Variants in SLC24A3 observed in about 807,000 individuals in gnomAD.
SLC24A3 encodes solute carrier family 24 member 3, also known as sodium/potassium/calcium exchanger 3.
SLC24A3 carries 28 observed loss-of-function variants against 75.8 expected under a neutral mutation model. That is an observed-to-expected ratio of 0.37 (90% confidence interval 0.27 to 0.51). The LOEUF is 0.51. Ranked by LOEUF, SLC24A3 falls within the 20% of genes least tolerant of loss-of-function variation. The probability of loss-of-function intolerance (pLI) is 0.94; values close to 1 mark genes in which losing one functional copy is unlikely to be tolerated. For missense variants in SLC24A3, 663 were observed against 847.8 expected (o/e 0.78, Z 2.71); for synonymous variants, 372 against 334.1 (o/e 1.11, Z -1.24).
chr20:19,280,287 G>A (rs772535768), intron 1 of SLC24A3, among the ~76,000 whole-genome samples: 12 of 152,138 alleles, frequency 7.9e-5, no homozygotes, highest in Non-Finnish European at 1.2e-4. Flanking sequence ...TTCATCTCTT[G>A]TTCATTGAAA....
chr20:19,560,193 G>A lies in SLC24A3; in HGVS notation c.349-19807G>A, dbSNP rs182507682. On this transcript the variant is annotated intron_variant, in intron 3 of 16. Coordinates refer to ENST00000328041, the MANE Select transcript of SLC24A3 (RefSeq NM_020689.4). ...GAAAAAGAGGAAGCCAACAAAGGGG[G>A]GAATTAAAGAGCTGATAACACTGAG... Among the ~76,000 whole-genome samples the A allele has an allele frequency of 2.0e-5, 3 of 152,246 alleles. No homozygotes were observed. The East Asian group carries it at 5.8e-4, about 29-fold the overall frequency.
intron 2 of SLC24A3, among the ~76,000 whole-genome samples, chr20:19,337,197 C>G (rs578156371): frequency 1.3e-5 from 2 of 152,336 alleles, no homozygotes; most frequent in African/African-American, 4.8e-5. Flanking sequence ...GTAATCCCAG[C>G]ACTTTGGGAG....
At chr20:19,690,178 A>G (rs1213965221) in intron 12 of SLC24A3, among the ~76,000 whole-genome samples, 2 of 152,212 alleles carry the variant, frequency 1.3e-5, no homozygotes, top group African/African-American at 4.8e-5. Context: ...TATGATTCAG[A>G]TAATGCTCAT....
intron 1 of SLC24A3, among the ~76,000 whole-genome samples, chr20:19,226,206 A>G (rs1452298080): frequency 1.3e-5 from 2 of 152,158 alleles, no homozygotes; most frequent in East Asian, 1.9e-4. Context: ...GACAGTTAAT[A>G]TGGTGGATTG....
chr20:19,578,176 A>T (rs1243118863), intron 3 of SLC24A3, among the ~76,000 whole-genome samples: 1 of 152,168 alleles, frequency 6.6e-6, no homozygotes, highest in Non-Finnish European at 1.5e-5. Flanking sequence ...TTAAGTGTAA[A>T]AGGCCTATTA....
chr20:19,217,280 T>A (rs972805720), intron 1 of SLC24A3, among the ~76,000 whole-genome samples: 2 of 151,870 alleles, frequency 1.3e-5, no homozygotes, highest in Non-Finnish European at 2.9e-5. Context: ...GAGTGTAGGG[T>A]CACATTATAA....
At chr20:19,269,005 C>G (rs1319957998) in intron 1 of SLC24A3, among the ~76,000 whole-genome samples, 1 of 152,216 alleles carries the variant, frequency 6.6e-6, no homozygotes, top group African/African-American at 2.4e-5. Context: ...AGTCTTCTGA[C>G]AGATTGGGGT....
In SLC24A3 at chr20:19,681,923, G is replaced by A; in HGVS notation, c.833G>A (p.Gly278Glu). 3 of 1,614,178 alleles carry A rather than the reference G, an allele frequency of 1.9e-6. No homozygotes were observed. Among genetic ancestry groups the A allele is most frequent in the East Asian group, 4.5e-5 (2 of 44,886 alleles). Reference sequence around the variant, plus strand: ...AAAGGTGCCGGGAACATGGTCAACGGATTGGCCAACAATGCTGAAATTGAT... The same window carrying A: ...AAAGGTGCCGGGAACATGGTCAACGAATTGGCCAACAATGCTGAAATTGAT... ...RTKGAGNMVN[G>E]LANNAEIDDS... is the part of the protein sequence containing the mutation. The change falls in exon 10 of 17, where the codon GGA becomes GAA. Residue 278 changes from glycine to glutamate, a missense_variant. By Grantham distance (98) the Gly-to-Glu change is moderately conservative. Coordinates refer to ENST00000328041, the MANE Select transcript of SLC24A3 (RefSeq NM_020689.4).
intron 2 of SLC24A3, among the ~76,000 whole-genome samples, chr20:19,408,366 G>A (rs764948126): frequency 6.6e-6 from 1 of 151,068 alleles, no homozygotes; most frequent in African/African-American, 2.4e-5. Context: ...TTCTAGTGAG[G>A]GTTTATTTTT....
At chr20:19,457,983 C>A (rs1987608379) in intron 2 of SLC24A3, among the ~76,000 whole-genome samples, 1 of 152,156 alleles carries the variant, frequency 6.6e-6, no homozygotes, top group Non-Finnish European at 1.5e-5. Context: ...TCCTTCCCCA[C>A]CTTTTTCCTC....
intron 2 of SLC24A3, among the ~76,000 whole-genome samples, chr20:19,394,868 T>G (rs1242092153): frequency 6.6e-6 from 1 of 152,166 alleles, no homozygotes; most frequent in Non-Finnish European, 1.5e-5. Flanking sequence ...CACTTCTAGG[T>G]ATATGCCTGA....
chr20:19,339,244 A>G lies in SLC24A3; in HGVS notation c.271+58157A>G, dbSNP rs574271708. Among the ~76,000 whole-genome samples the G allele has an allele frequency of 2.0e-5, 3 of 151,658 alleles. No homozygotes were observed. In the South Asian group the frequency reaches 6.2e-4, roughly 31 times the overall value. On this transcript the variant is annotated intron_variant, in intron 2 of 16. Coordinates refer to ENST00000328041, the MANE Select transcript of SLC24A3 (RefSeq NM_020689.4). ...ATTGCGTTCAGTGCTCATTCTTACC[A>G]TCTGGGCTTCATTTGAGTGGAGGGC...
chr20:19,456,246 A>G (rs2122489043), intron 2 of SLC24A3, among the ~76,000 whole-genome samples: 1 of 152,278 alleles, frequency 6.6e-6, no homozygotes, highest in Admixed American at 6.5e-5. Flanking sequence ...ACAACCAGAT[A>G]TGGTTTGGCT....
intron 2 of SLC24A3, among the ~76,000 whole-genome samples, chr20:19,391,771 A>G (rs1229280987): frequency 1.3e-5 from 2 of 152,164 alleles, no homozygotes; most frequent in African/African-American, 4.8e-5. Flanking sequence ...CACAGCCTCT[A>G]TGTCTGGAAA....
chr20:19,221,022 A>G (rs1237154576), intron 1 of SLC24A3, among the ~76,000 whole-genome samples: 2 of 152,156 alleles, frequency 1.3e-5, no homozygotes, highest in Non-Finnish European at 2.9e-5. Flanking sequence ...CTAAGCCTTC[A>G]CCACTAATTT....
chr20:19,721,008 G>C lies in SLC24A3; in HGVS notation c.1803G>C (p.Leu601=), dbSNP rs763259993. Reference sequence around the variant, plus strand: ...CCCTGCAGGTGTTCGGCGTCCACCTGAACAAGTGGCAGCTGGACAAGAAGC... The same window carrying C: ...CCCTGCAGGTGTTCGGCGTCCACCTCAACAAGTGGCAGCTGGACAAGAAGC... The part of the protein sequence containing the change: ...SVFVTVFGVH[L]NKWQLDKKLG... The change falls in exon 17 of 17, where the codon CTG becomes CTC. Residue 601 remains leucine, a synonymous_variant. Transcript: ENST00000328041. The C allele has an allele frequency of 2.9e-5, 47 of 1,613,840 alleles. No individual in the cohort carries two copies. Among genetic ancestry groups the C allele is most frequent in the Non-Finnish European group, 3.4e-5 (40 of 1,180,004 alleles).
chr20:19,483,255 G>A (rs6112407), intron 2 of SLC24A3, among the ~76,000 whole-genome samples: 2,235 of 152,274 alleles, frequency 0.015, 21 homozygotes, highest in Middle Eastern at 0.034. Flanking sequence ...CCCTGGGGAA[G>A]TTGATACTAA....
intron 14 of SLC24A3, 93 bp downstream of exon 14, chr20:19,697,004 AGGGAGAAGAGAAAG>A: frequency 1.1e-5 from 3 of 284,276 alleles, no homozygotes; most frequent in South Asian, 3.0e-5. Flanking sequence ...GGAAGGCAGG[AGGGAGAAGAGAAAG>A]GGAGGGAGAA....
intron 2 of SLC24A3, among the ~76,000 whole-genome samples, chr20:19,356,311 A>C (rs1428833029): frequency 6.6e-6 from 1 of 152,222 alleles, no homozygotes; most frequent in African/African-American, 2.4e-5. Flanking sequence ...TCCCAAGGGC[A>C]ACTACTAACT....
Sources: allele counts gnomAD v4.1 joint callset (sites outside exome capture counted in the v4.1 genomes callset), GRCh38; gene constraint gnomAD v4.1.1; transcripts MANE v1.5; gene names NCBI Gene and HGNC (gene_info 2026-07-23, HGNC 2026-07-21).